FAM20A: variants seen among roughly 807,000 people sequenced by gnomAD.
The protein encoded by FAM20A is FAM20A golgi associated secretory pathway pseudokinase, also known as pseudokinase FAM20A.
FAM20A carries 42 observed loss-of-function variants against 52.0 expected under a neutral mutation model. The observed-to-expected ratio is 0.81, with a 90% CI of 0.63 to 1.04. FAM20A has a LOEUF of 1.04. FAM20A is among the 50% of genes least tolerant of loss of function. The pLI, the probability that FAM20A is intolerant of heterozygous loss-of-function variation, is 0.00. For missense variants in FAM20A, 742 were observed against 712.7 expected (o/e 1.04, Z -0.47); for synonymous variants, 304 against 298.9 (o/e 1.02, Z -0.18).
intron 1 of FAM20A, among the ~76,000 whole-genome samples, chr17:68,581,400 TTCTTTCTTTCTTTCTTTTTC>T (rs2087966756): frequency 2.0e-5 from 3 of 147,684 alleles, no homozygotes; most frequent in Non-Finnish European, 4.5e-5. Context: ...CTTTCTTTCT[TTCTTTCTTTCTTTCTTTTTC>T]TCTTTTCTTT....
In FAM20A at chr17:68,542,003, G is replaced by T. The variant is rs1327242128; in HGVS notation, c.1091C>A (p.Thr364Lys). 1.2e-6 allele frequency: 2 copies of T among 1,613,960 alleles called. No homozygotes were observed. The highest frequency in any genetic ancestry group is 1.7e-5 in the Admixed American group (1 of 60,018). The part of the protein sequence containing the change: ...SVPNPWIRSY[T>K]LAGKEEWEVN... The stretch of plus-strand genomic sequence containing the variant: ...AACTCACTCCTCTTTTCCTGCCAGT[G>T]TGTAGGAGCGGATCCAGGGGTTGGG... The change falls in exon 7 of 11, where the codon ACA becomes AAA. Residue 364 changes from threonine (T) to lysine (K), a missense_variant. Transcript: ENST00000592554.
chr17:68,599,569 A>G (rs2088551322), intron 1 of FAM20A, among the ~76,000 whole-genome samples: 2 of 152,214 alleles, frequency 1.3e-5, no homozygotes, highest in Admixed American at 6.5e-5. Context: ...AAGTCAGTCC[A>G]AATCACCAGG....
intron 4 of FAM20A, 46 bp from the exon 5 acceptor site, chr17:68,543,767 G>A: frequency 1.9e-6 from 3 of 1,540,570 alleles, no homozygotes; most frequent in Non-Finnish European, 2.7e-6. Flanking sequence ...ACTTCAGCTG[G>A]GAGCCTGAGA....
At chr17:68,594,557 G>C (rs551702461) in intron 1 of FAM20A, among the ~76,000 whole-genome samples, 1 of 152,280 alleles carries the variant, frequency 6.6e-6, no homozygotes, top group East Asian at 1.9e-4. Context: ...CAGGGACTTA[G>C]CTGAATTTAA....
chr17:68,595,093 G>T (rs1410781574), intron 1 of FAM20A, among the ~76,000 whole-genome samples: 2 of 152,236 alleles, frequency 1.3e-5, no homozygotes, highest in Non-Finnish European at 2.9e-5. Flanking sequence ...TATGTAATGT[G>T]CCTGGCACAT....
At chr17:68,540,783 G>A (rs2086251204) in intron 8 of FAM20A, 66 bp downstream of exon 8, 2 of 1,546,106 alleles carry the variant, frequency 1.3e-6, no homozygotes, top group African/African-American at 1.4e-5. Context: ...TGTGCTCAAG[G>A]TCACGGGGAA....
chr17:68,563,552 C>T (rs1443457884), intron 1 of FAM20A, among the ~76,000 whole-genome samples: 1 of 151,840 alleles, frequency 6.6e-6, no homozygotes, highest in African/African-American at 2.4e-5. Flanking sequence ...AAATTTGTTC[C>T]CCATGTCCGC....
chr17:68,598,910 T>A (rs1245431079), intron 1 of FAM20A, among the ~76,000 whole-genome samples: 1 of 152,216 alleles, frequency 6.6e-6, no homozygotes, highest in Non-Finnish European at 1.5e-5. Context: ...CAGACTTCCA[T>A]GTTATTGACG....
At chr17:68,542,623 T>C in intron 6 of FAM20A, 71 bp downstream of exon 6, 1 of 1,182,912 alleles carries the variant, frequency 8.5e-7, no homozygotes, top group Non-Finnish European at 1.3e-6. Flanking sequence ...AGGCCACTGA[T>C]GAATGGAGGG....
chr17:68,535,682 T>G lies in FAM20A; in HGVS notation c.*1795A>C, dbSNP rs1045760411. 1 of 446,904 alleles carries G rather than the reference T, an allele frequency of 2.2e-6. No homozygotes were observed. Among genetic ancestry groups the G allele is most frequent in the Admixed American group, 2.4e-5 (1 of 40,964 alleles). 27.7% of individuals were successfully genotyped at this position (446,904 alleles called of 1,614,324 possible). A position where few individuals can be genotyped will look rare whatever the true frequency, so the allele number is the denominator to read the frequency against. ...ATTTAAAAAAAAATTTTTTTTTTTT[T>G]GTATTTTTTTGTAGAGACAGGGTTT... On this transcript the variant is annotated 3_prime_UTR_variant, in exon 11 of 11. Transcript: ENST00000592554.
intron 4 of FAM20A, 48 bp from the exon 5 acceptor site, chr17:68,543,769 A>G: frequency 6.6e-7 from 1 of 1,519,754 alleles, no homozygotes; most frequent in Non-Finnish European, 9.1e-7. Flanking sequence ...TTCAGCTGGG[A>G]GCCTGAGAAG....
chr17:68,558,033 T>A (rs1185528097), intron 1 of FAM20A, among the ~76,000 whole-genome samples: 1 of 151,940 alleles, frequency 6.6e-6, no homozygotes, highest in African/African-American at 2.4e-5. Context: ...GAAAGTAAAG[T>A]TTTTTTTCTG....
chr17:68,554,119 T>TAC lies in FAM20A; in HGVS notation c.640+656_640+657dup, dbSNP rs1401461306. Reference sequence around the variant, plus strand: ...ACACATATATATACACATATATGTATACACACACATATATATATATATATA... The same window carrying TAC: ...ACACATATATATACACATATATGTATACACACACACATATATATATATATATA... On this transcript the variant is annotated intron_variant, in intron 3 of 10. Transcript: ENST00000592554. Among the ~76,000 whole-genome samples, 27 of 137,876 alleles carry TAC rather than the reference T, an allele frequency of 2.0e-4. 1 individual carries two copies. The South Asian group carries it at 3.4e-3, about 17-fold the overall frequency. The allele number at this position is 137,876 out of a possible 152,430, so 90.5% of individuals were successfully genotyped here.
intron 1 of FAM20A, among the ~76,000 whole-genome samples, chr17:68,556,885 AAAAAC>A (rs2087067290): frequency 6.6e-6 from 1 of 152,096 alleles, no homozygotes; most frequent in Admixed American, 6.6e-5. Context: ...GGGTGGGGTG[AAAAAC>A]AAAACAAACA....
chr17:68,555,766 C>A, intron 1 of FAM20A, 23 bp from the exon 2 acceptor site: 1 of 1,613,814 alleles, frequency 6.2e-7, no homozygotes, highest in South Asian at 1.1e-5. Flanking sequence ...GATAGTTGTT[C>A]ATTAGAGGAA....
Position 68,536,243 on chromosome 17 carries a change from C to T in FAM20A, c.*1234G>A, listed in dbSNP as rs2086093266. On this transcript the variant is annotated 3_prime_UTR_variant, in exon 11 of 11. Coordinates refer to ENST00000592554, the MANE Select transcript of FAM20A (RefSeq NM_017565.4). ...TTTAGTGACAGCTCCATTCTATTCT[C>T]ATGCTTACAGTATTTGAACTCTGGC... The T allele has an allele frequency of 2.2e-6, 1 of 454,142 alleles. No individual in the cohort carries two copies. The highest frequency in any genetic ancestry group is 4.4e-6 in the Non-Finnish European group (1 of 226,798). 28.1% of individuals were successfully genotyped at this position (454,142 alleles called of 1,614,324 possible). A position where few individuals can be genotyped will look rare whatever the true frequency, so the allele number is the denominator to read the frequency against.
At chr17:68,543,801 C>A (rs767016226) in intron 4 of FAM20A, 80 bp from the exon 5 acceptor site, 1 of 1,256,464 alleles carries the variant, frequency 8.0e-7, no homozygotes, top group Non-Finnish European at 1.2e-6. Flanking sequence ...GCATGACCAG[C>A]GAGAAAGGAA....
intron 10 of FAM20A, among the ~76,000 whole-genome samples, chr17:68,538,147 G>A (rs2086150113): frequency 6.6e-6 from 1 of 152,196 alleles, no homozygotes; most frequent in Non-Finnish European, 1.5e-5. Flanking sequence ...AGTACTGCCA[G>A]CCTTTAAGTT....
chr17:68,575,679 TTTTTATA>T (rs1204545905), intron 1 of FAM20A, among the ~76,000 whole-genome samples: 3 of 120,364 alleles, frequency 2.5e-5, no homozygotes, highest in Non-Finnish European at 4.9e-5. Flanking sequence ...ATATATTATA[TTTTTATA>T]TTTTATATTA....
Sources: gnomAD v4.1 joint callset for allele counts (sites outside exome capture counted in the v4.1 genomes callset) on GRCh38, gnomAD v4.1.1 for gene constraint, MANE v1.5 for transcripts, NCBI Gene and HGNC (gene_info 2026-07-23, HGNC 2026-07-21) for gene names.